Variants in TFEC observed in about 807,000 individuals in gnomAD.
The protein encoded by TFEC is class E basic helix-loop-helix protein 34.
Under a neutral mutation model 41.6 loss-of-function variants are expected in TFEC, and 31 were observed. That is an observed-to-expected ratio of 0.74 (90% CI 0.56 to 1.01). The LOEUF is 1.01. Among genes scored for constraint, TFEC ranks in the 50% least tolerant of loss-of-function variants. The pLI is 0.00. For synonymous variants in TFEC, 143 were observed against 140.6 expected (o/e 1.02, Z -0.12); for missense variants, 402 against 404.1 (o/e 0.99, Z 0.04).
In TFEC at chr7:115,940,713, A is replaced by G. The variant is rs545826504; in HGVS notation, c.882T>C (p.Phe294=). The change falls in exon 8 of 8, where the codon TTT becomes TTC. Residue 294 remains phenylalanine (F), a synonymous_variant. Transcript: ENST00000265440. ...TTTGTTCCTCTTTCAATGCAGCACT[A>G]AATGATAAATCTGTGAAGTATGACA... The part of the protein sequence containing the change: ...DPLSYFTDLS[F]SAALKEEQRL... 29 of 1,613,580 alleles carry G rather than the reference A, an allele frequency of 1.8e-5. No homozygotes were observed. In the South Asian group the frequency reaches 3.2e-4, roughly 18 times the overall value.
At chr7:116,084,154 T>G (rs1275443177) in intron 3 of TFEC, among the ~76,000 whole-genome samples, 2 of 151,944 alleles carry the variant, frequency 1.3e-5, no homozygotes, top group African/African-American at 2.4e-5. Context: ...TCCCCAACTG[T>G]GCCCAGCCAC....
At chr7:115,976,614 C>T (rs985933780) in intron 2 of TFEC, among the ~76,000 whole-genome samples, 4 of 152,182 alleles carry the variant, frequency 2.6e-5, no homozygotes, top group Non-Finnish European at 4.4e-5. Context: ...TTGTTTGGTC[C>T]AGTCTCTGAA....
chr7:116,114,736 G>A (rs931895283), intron 1 of TFEC, among the ~76,000 whole-genome samples: 6 of 151,978 alleles, frequency 3.9e-5, no homozygotes, highest in African/African-American at 9.7e-5. Context: ...AGCAGCATCC[G>A]AGAAATGCAA....
At chr7:116,063,175 A>G (rs1796609378) in intron 3 of TFEC, among the ~76,000 whole-genome samples, 1 of 152,240 alleles carries the variant, frequency 6.6e-6, no homozygotes, top group African/African-American at 2.4e-5. Context: ...GCCAGACCAG[A>G]TAATAATATG....
At chr7:115,991,985 A>C (rs186255162) in intron 1 of TFEC, among the ~76,000 whole-genome samples, 83 of 152,324 alleles carry the variant, frequency 5.4e-4, no homozygotes, top group Admixed American at 1.5e-3. Context: ...ATGTAAAAGA[A>C]CAGAAAATAT....
chr7:115,953,469 C>T (rs923379515), intron 5 of TFEC, among the ~76,000 whole-genome samples: 2 of 151,812 alleles, frequency 1.3e-5, no homozygotes, highest in African/African-American at 2.4e-5. Context: ...AGAAACACTT[C>T]GATAATGGAT....
At chr7:115,983,881 C>G (rs1210386378) in intron 2 of TFEC, among the ~76,000 whole-genome samples, 1 of 152,026 alleles carries the variant, frequency 6.6e-6, no homozygotes, top group Non-Finnish European at 1.5e-5. Context: ...CAAAAATTTA[C>G]TGCTATTTAA....
intron 3 of TFEC, among the ~76,000 whole-genome samples, chr7:116,075,179 T>G (rs942519830): frequency 6.6e-6 from 1 of 152,206 alleles, no homozygotes; most frequent in Non-Finnish European, 1.5e-5. Flanking sequence ...ACACTTTACT[T>G]GGGTGAACTA....
chr7:116,119,227 C>T (rs1339194025), intron 1 of TFEC, among the ~76,000 whole-genome samples: 1 of 151,710 alleles, frequency 6.6e-6, no homozygotes. Context: ...CCATGCTACA[C>T]ATTTAAGAAG....
In TFEC at chr7:116,080,976, A is replaced by AGTGTAT. The variant is rs1424213374; in HGVS notation, c.198+29731_198+29732insATACAC. 1.8e-4 allele frequency among the ~76,000 whole-genome samples: 25 copies of AGTGTAT among 138,016 alleles called. No homozygotes were observed. In the South Asian group the frequency reaches 1.9e-3, roughly 11 times the overall value. The allele number at this position is 138,016 out of a possible 152,430, so 90.5% of individuals were successfully genotyped here. The stretch of plus-strand genomic sequence containing the variant: ...ATCAACGAGTGGATAAAGAAAATGT[A>AGTGTAT]GTGTGTGTGTGTGTGTGTGTGTGTG... On this transcript the variant is annotated intron_variant, in intron 3 of 8. Coordinates refer to the TFEC transcript ENST00000484212.
intron 1 of TFEC, among the ~76,000 whole-genome samples, chr7:116,120,764 G>A (rs1372657268): frequency 6.6e-6 from 1 of 151,930 alleles, no homozygotes; most frequent in Non-Finnish European, 1.5e-5. Flanking sequence ...ACAGAATAGG[G>A]AGAGGTATAG....
At chr7:116,158,998 A>G (rs965517665) in intron 1 of TFEC, among the ~76,000 whole-genome samples, 1 of 151,910 alleles carries the variant, frequency 6.6e-6, no homozygotes, top group Non-Finnish European at 1.5e-5. Flanking sequence ...AATTAGTTTT[A>G]CAAATATGAG....
intron 1 of TFEC, among the ~76,000 whole-genome samples, chr7:116,017,750 G>T (rs1026750487): frequency 2.0e-5 from 3 of 152,080 alleles, no homozygotes; most frequent in Non-Finnish European, 2.9e-5. Context: ...TCTTTCTTGG[G>T]TTCTACAAAA....
chr7:116,016,760 A>G (rs948567262), intron 1 of TFEC, among the ~76,000 whole-genome samples: 3 of 151,970 alleles, frequency 2.0e-5, no homozygotes, highest in East Asian at 1.9e-4. Context: ...TGTACATAGC[A>G]TATCTTATAT....
chr7:116,025,968 T>C (rs1795569266), intron 1 of TFEC, among the ~76,000 whole-genome samples: 1 of 152,224 alleles, frequency 6.6e-6, no homozygotes, highest in Non-Finnish European at 1.5e-5. Context: ...TCAACAAAAA[T>C]TTAAAACTAA....
At chr7:116,133,172 T>C (rs1321548936) in intron 1 of TFEC, among the ~76,000 whole-genome samples, 1 of 152,238 alleles carries the variant, frequency 6.6e-6, no homozygotes. Context: ...AATTTTTGTT[T>C]ACCTCACAAT....
At chr7:116,035,069 G>A (rs904467303), upstream of TFEC, among the ~76,000 whole-genome samples, 65 of 151,722 alleles carry the variant, frequency 4.3e-4, 1 homozygote, top group African/African-American at 1.5e-3. Flanking sequence ...ACAGCTTCAC[G>A]AAGACCAGGA....
intron 1 of TFEC, among the ~76,000 whole-genome samples, chr7:116,143,468 G>A (rs571981140): frequency 2.0e-5 from 3 of 152,246 alleles, no homozygotes; most frequent in South Asian, 2.1e-4. Flanking sequence ...ATTCCAGGAC[G>A]AAAAGCTGAA....
chr7:116,072,293 A>C (rs2131026661), intron 3 of TFEC, among the ~76,000 whole-genome samples: 1 of 151,656 alleles, frequency 6.6e-6, no homozygotes, highest in East Asian at 1.9e-4. Context: ...TTTATTTTTG[A>C]ATATTAAGTA....
Sources: gnomAD v4.1 joint callset for allele counts (sites outside exome capture counted in the v4.1 genomes callset) on GRCh38, gnomAD v4.1.1 for gene constraint, MANE v1.5 for transcripts, NCBI Gene and HGNC (gene_info 2026-07-23, HGNC 2026-07-21) for gene names.